The following CPA6 variants were observed in gnomAD, a reference collection of about 807,000 sequenced individuals.
The protein encoded by CPA6 is carboxypeptidase A6.
A neutral mutation model predicts 63.3 loss-of-function variants in CPA6; 58 were observed. The ratio of observed to expected loss-of-function variants is 0.92; its 90% confidence interval spans 0.74 to 1.14. CPA6 has a LOEUF of 1.14. Ranked by LOEUF, CPA6 falls within the 50% of genes most tolerant of loss-of-function variation. The probability of loss-of-function intolerance (pLI) is 0.00; values close to 1 mark genes in which losing one functional copy is unlikely to be tolerated. For missense variants in CPA6, 565 were observed against 526.6 expected (o/e 1.07, Z -0.71); for synonymous variants, 185 against 179.0 (o/e 1.03, Z -0.27).
intron 2 of CPA6, among the ~76,000 whole-genome samples, chr8:67,589,272 A>G (rs893476420): frequency 2.0e-5 from 3 of 152,234 alleles, no homozygotes; most frequent in African/African-American, 7.2e-5. Flanking sequence ...GACCAAAACT[A>G]CCTTGATAGT....
chr8:67,489,473 G>A (rs893654866), intron 6 of CPA6, among the ~76,000 whole-genome samples: 8 of 151,172 alleles, frequency 5.3e-5, no homozygotes, highest in South Asian at 2.1e-4. Flanking sequence ...TAAATTTTAC[G>A]TATAAATGTT....
intron 9 of CPA6, among the ~76,000 whole-genome samples, chr8:67,432,360 G>A (rs1810046370): frequency 6.6e-6 from 1 of 152,188 alleles, no homozygotes; most frequent in South Asian, 2.1e-4. Context: ...TGGATGTGCT[G>A]GGAGGTTGAT....
chr8:67,601,589 G>T (rs934743958), intron 2 of CPA6, among the ~76,000 whole-genome samples: 3 of 152,202 alleles, frequency 2.0e-5, no homozygotes, highest in East Asian at 3.9e-4. Flanking sequence ...TGGGTTTTTT[G>T]AAGATAATGT....
At chr8:67,456,509 C>G (rs1244836906) in intron 8 of CPA6, among the ~76,000 whole-genome samples, 1 of 152,218 alleles carries the variant, frequency 6.6e-6, no homozygotes, top group African/African-American at 2.4e-5. Context: ...ACCCCAGGCT[C>G]TTCTTCAGTC....
At chr8:67,706,897 T>C (rs990877865) in intron 1 of CPA6, among the ~76,000 whole-genome samples, 2 of 152,212 alleles carry the variant, frequency 1.3e-5, no homozygotes, top group Admixed American at 6.5e-5. Context: ...TTCTTTGCAC[T>C]GTATCTGTAT....
At chr8:67,668,333 G>T (rs1011983272) in intron 1 of CPA6, among the ~76,000 whole-genome samples, 1 of 151,998 alleles carries the variant, frequency 6.6e-6, no homozygotes, top group Admixed American at 6.6e-5. Context: ...AAATATATTC[G>T]CACTCAATAA....
intron 1 of CPA6, among the ~76,000 whole-genome samples, chr8:67,673,387 T>A (rs1350133692): frequency 9.8e-5 from 13 of 132,178 alleles, no homozygotes; most frequent in African/African-American, 3.8e-4. Context: ...ATTATTTATT[T>A]ATTTTTTTTT....
chr8:67,455,656 A>AC (rs1318677218), intron 8 of CPA6, among the ~76,000 whole-genome samples: 1 of 141,646 alleles, frequency 7.1e-6, no homozygotes, highest in Non-Finnish European at 1.5e-5. Context: ...CCCCTTCTCT[A>AC]CAAAAGCAAA....
chr8:67,705,425 A>G (rs1200650116), intron 1 of CPA6, among the ~76,000 whole-genome samples: 6 of 152,188 alleles, frequency 3.9e-5, no homozygotes, highest in African/African-American at 1.4e-4. Context: ...AATCTTTTCT[A>G]AACAACTCTC....
At chr8:67,425,809 T>G (rs1314319309) in intron 10 of CPA6, among the ~76,000 whole-genome samples, 1 of 152,134 alleles carries the variant, frequency 6.6e-6, no homozygotes, top group Non-Finnish European at 1.5e-5. Flanking sequence ...GAACTACAAA[T>G]AGTAGTCATA....
chr8:67,447,903 G>C (rs1468778156), intron 8 of CPA6, among the ~76,000 whole-genome samples: 1 of 152,134 alleles, frequency 6.6e-6, no homozygotes, highest in Admixed American at 6.5e-5. Context: ...TCCTGCTTCA[G>C]CCTCCTGAGT....
At chr8:67,486,942 T>C (rs1811490762) in intron 6 of CPA6, among the ~76,000 whole-genome samples, 1 of 152,044 alleles carries the variant, frequency 6.6e-6, no homozygotes, top group Non-Finnish European at 1.5e-5. Context: ...CATAGCTCTC[T>C]GCAGCCTCAA....
chr8:67,552,834 TTAATTACATTGTAACA>T lies in CPA6; in HGVS notation c.193-34803_193-34788del, dbSNP rs533952020. 1.4e-4 allele frequency among the ~76,000 whole-genome samples: 21 copies of T among 150,896 alleles called. No homozygotes were observed. The South Asian group carries it at 2.5e-3, about 18-fold the overall frequency. Reference sequence around the variant, plus strand: ...AAAGAACAAGAGAAGGGCCTCTTTCTTAATTACATTGTAACAAAAAGAATAAAGGAAATCAATTTGG... The same window carrying T: ...AAAGAACAAGAGAAGGGCCTCTTTCTAAAAGAATAAAGGAAATCAATTTGG... On this transcript the variant is annotated intron_variant, in intron 2 of 10. Coordinates refer to ENST00000297770, the MANE Select transcript of CPA6 (RefSeq NM_020361.5).
intron 8 of CPA6, among the ~76,000 whole-genome samples, chr8:67,475,817 C>CTTTCCTTT (rs1554666491): frequency 1.8e-3 from 57 of 31,560 alleles, no homozygotes; most frequent in African/African-American, 6.5e-3. Flanking sequence ...TTCTTTCTTT[C>CTTTCCTTT]CTTTCTTTTC....
chr8:67,716,453 C>A (rs1817383951), intron 1 of CPA6, among the ~76,000 whole-genome samples: 1 of 152,110 alleles, frequency 6.6e-6, no homozygotes, highest in East Asian at 1.9e-4. Context: ...TGGTTACATT[C>A]TTTTGAGTCT....
chr8:67,515,534 G>A (rs527831900), intron 3 of CPA6, among the ~76,000 whole-genome samples: 8 of 152,296 alleles, frequency 5.3e-5, no homozygotes, highest in African/African-American at 1.4e-4. Flanking sequence ...GAAGGTCAGC[G>A]TATTCTCTTA....
chr8:67,650,349 C>G (rs945620918), intron 1 of CPA6, among the ~76,000 whole-genome samples: 2 of 152,052 alleles, frequency 1.3e-5, no homozygotes, highest in Non-Finnish European at 2.9e-5. Context: ...CAGCGGGGTT[C>G]GATCAGGACT....
At chr8:67,650,360 C>G (rs1348792539) in intron 1 of CPA6, among the ~76,000 whole-genome samples, 2 of 152,130 alleles carry the variant, frequency 1.3e-5, no homozygotes. Flanking sequence ...GATCAGGACT[C>G]TAGCTCATTC....
At chr8:67,729,698 C>T (rs555863772) in intron 1 of CPA6, among the ~76,000 whole-genome samples, 9 of 152,284 alleles carry the variant, frequency 5.9e-5, no homozygotes, top group Non-Finnish European at 7.3e-5. Flanking sequence ...GCAACAAAGA[C>T]GGGTATGCAA....
Sources: gnomAD v4.1 joint callset for allele counts (sites outside exome capture counted in the v4.1 genomes callset) on GRCh38, gnomAD v4.1.1 for gene constraint, MANE v1.5 for transcripts, NCBI Gene and HGNC (gene_info 2026-07-23, HGNC 2026-07-21) for gene names.